Variants in AKAP6 observed in about 807,000 individuals in gnomAD.
AKAP6 encodes A-kinase anchor protein 6.
AKAP6 carries 58 observed loss-of-function variants against 188.5 expected under a neutral mutation model. That is an observed-to-expected ratio of 0.31 (90% CI 0.25 to 0.38). AKAP6 has a LOEUF of 0.38. AKAP6 is among the 10% of genes least tolerant of loss of function. The pLI is 1.00. For missense variants in AKAP6, 2,710 were observed against 2,740.0 expected, an observed-to-expected ratio of 0.99 and a Z score of 0.24; for synonymous variants, 989 against 998.6, an observed-to-expected ratio of 0.99 and a Z score of 0.18.
intron 6 of AKAP6, 33 bp downstream of exon 6, chr14:32,599,539 G>A (rs778124006): frequency 5.2e-5 from 80 of 1,531,646 alleles, no homozygotes; most frequent in Admixed American, 6.8e-5. Flanking sequence ...AAGTCTTTAC[G>A]TCTCCAGACT....
intron 11 of AKAP6, among the ~76,000 whole-genome samples, chr14:32,752,192 A>G (rs2032164823): frequency 6.6e-6 from 1 of 152,252 alleles, no homozygotes; most frequent in African/African-American, 2.4e-5. Context: ...GATGAGAAAC[A>G]CCATATGTGC....
chr14:32,500,969 A>G (rs1880581337), intron 2 of AKAP6, among the ~76,000 whole-genome samples: 1 of 152,144 alleles, frequency 6.6e-6, no homozygotes, highest in South Asian at 2.1e-4. Flanking sequence ...TCCCATTGCA[A>G]GTGCATTCTA....
At position 32,433,587 on chromosome 14, in the gene AKAP6, C is replaced by T. The variant is rs1416830133; in HGVS notation, c.94C>T (p.Pro32Ser). 6.2e-7 allele frequency: 1 copy of T among 1,614,116 alleles called. No homozygotes were observed. The highest frequency in any genetic ancestry group is 8.5e-7 in the Non-Finnish European group (1 of 1,180,016). ...TTCACCCATGGCCATCAACATGACA[C>T]CCACTGTGGAGCAGGGTGAGGGAGA... ...DASPMAINMT[P>S]TVEQGEGEEA... The change falls in exon 2 of 14, where the codon CCC (proline) becomes TCC (serine). Residue 32 changes from proline to serine, a missense_variant. Pro to Ser is a moderately conservative substitution (Grantham distance 74). Transcript: ENST00000280979.
chr14:32,639,985 T>C (rs540151138), intron 7 of AKAP6, among the ~76,000 whole-genome samples: 64 of 152,264 alleles, frequency 4.2e-4, no homozygotes, highest in Non-Finnish European at 7.5e-4. Flanking sequence ...GTAAACTCCA[T>C]TTTTGTTAAT....
chr14:32,631,235 G>A (rs910631907), intron 7 of AKAP6, among the ~76,000 whole-genome samples: 4 of 151,764 alleles, frequency 2.6e-5, no homozygotes, highest in Admixed American at 1.3e-4. Flanking sequence ...TTCTTTGAGC[G>A]CCCCGTATAT....
chr14:32,422,190 G>T lies in AKAP6; in HGVS notation c.-34-11270G>T, dbSNP rs571317887. Among the ~76,000 whole-genome samples, 22 of 152,126 alleles carry T rather than the reference G, an allele frequency of 1.4e-4. No homozygotes were observed. In the South Asian group the frequency reaches 4.2e-3, roughly 29 times the overall value. ...TATCTGGAGTTAGGCCAAGCTTGAG[G>T]TTAAGGGCACAGACCTCCAAGACTA... On this transcript the variant is annotated intron_variant, in intron 1 of 13. Transcript: ENST00000280979.
chr14:32,587,724 G>A (rs1885312902), intron 5 of AKAP6, among the ~76,000 whole-genome samples: 1 of 152,108 alleles, frequency 6.6e-6, no homozygotes, highest in Admixed American at 6.5e-5. Flanking sequence ...GTCTGTCCTA[G>A]TTTCCCCTAA....
At chr14:32,629,929 A>G (rs1417193653) in intron 7 of AKAP6, among the ~76,000 whole-genome samples, 1 of 152,094 alleles carries the variant, frequency 6.6e-6, no homozygotes, top group Non-Finnish European at 1.5e-5. Context: ...TTAAAAAAGA[A>G]TGATAATACT....
chr14:32,736,327 T>A (rs2031421757), intron 11 of AKAP6, among the ~76,000 whole-genome samples: 1 of 151,974 alleles, frequency 6.6e-6, no homozygotes, highest in Admixed American at 6.6e-5. Flanking sequence ...TATGAAAGAG[T>A]CAACTATTTA....
rs1349905150 is a variant in AKAP6, at chr14:32,823,840, G to A, written c.6027G>A (p.Pro2009=). 1.7e-5 allele frequency: 28 copies of A among 1,613,376 alleles called. No homozygotes were observed. Among genetic ancestry groups the A allele is most frequent in the African/African-American group, 2.7e-5 (2 of 74,854 alleles). Residue 2009 remains proline (P), a synonymous_variant, in exon 13 of 14, where the codon CCG becomes CCA. Transcript: ENST00000280979. The stretch of plus-strand genomic sequence containing the variant: ...CACTGAAATCATCTGATGATGCACC[G>A]AGTATGGCTGGAAAATCTGCTGGTT... ...SDALKSSDDA[P]SMAGKSAGCC...
intron 1 of AKAP6, among the ~76,000 whole-genome samples, chr14:32,423,919 C>A (rs1889942646): frequency 6.6e-6 from 1 of 152,102 alleles, no homozygotes; most frequent in East Asian, 1.9e-4. Context: ...ATGGAGAATT[C>A]TTTTTATATT....
chr14:32,675,584 T>C (rs1209971598), intron 7 of AKAP6, among the ~76,000 whole-genome samples: 1 of 152,214 alleles, frequency 6.6e-6, no homozygotes, highest in East Asian at 1.9e-4. Flanking sequence ...CATTCAACCT[T>C]AGTAGGAGGA....
At chr14:32,757,080 G>A (rs2032363820) in intron 11 of AKAP6, among the ~76,000 whole-genome samples, 1 of 152,134 alleles carries the variant, frequency 6.6e-6, no homozygotes, top group Non-Finnish European at 1.5e-5. Context: ...TGCCTCAAAT[G>A]GTGGGTGTCT....
intron 9 of AKAP6, among the ~76,000 whole-genome samples, chr14:32,715,209 C>CT (rs2139765930): frequency 6.6e-6 from 1 of 152,140 alleles, no homozygotes; most frequent in South Asian, 2.1e-4. Context: ...CCTGAATTCT[C>CT]TTATTTTATC....
At chr14:32,813,003 T>C (rs1037316117) in intron 12 of AKAP6, among the ~76,000 whole-genome samples, 2 of 152,158 alleles carry the variant, frequency 1.3e-5, no homozygotes, top group Admixed American at 6.5e-5. Flanking sequence ...ACAGTGTCTA[T>C]CTGGAGTTAG....
chr14:32,813,305 AGCATC>A (rs1334606718), intron 12 of AKAP6, among the ~76,000 whole-genome samples: 1 of 151,860 alleles, frequency 6.6e-6, no homozygotes, highest in Non-Finnish European at 1.5e-5. Flanking sequence ...TTACCCACCT[AGCATC>A]TCCAGGTGTT....
chr14:32,650,116 ATAACTTG>A (rs1888146232), intron 7 of AKAP6, among the ~76,000 whole-genome samples: 1 of 152,196 alleles, frequency 6.6e-6, no homozygotes, highest in African/African-American at 2.4e-5. Flanking sequence ...GATAAAAAAG[ATAACTTG>A]TTTTGGGTTC....
chr14:32,735,602 T>TG (rs2031376446), intron 10 of AKAP6, 56 bp from the exon 11 acceptor site: 6 of 1,321,610 alleles, frequency 4.5e-6, no homozygotes, highest in Non-Finnish European at 6.2e-6. Context: ...TTGTTGTTCG[T>TG]GGGGTTTTTT....
intron 8 of AKAP6, among the ~76,000 whole-genome samples, chr14:32,689,413 A>G (rs1456560438): frequency 6.6e-6 from 1 of 152,102 alleles, no homozygotes; most frequent in Non-Finnish European, 1.5e-5. Flanking sequence ...TGTAGGCTTG[A>G]TTTTATTTTT....
Sources: allele counts gnomAD v4.1 joint callset (sites outside exome capture counted in the v4.1 genomes callset), GRCh38; gene constraint gnomAD v4.1.1; transcripts MANE v1.5; gene names NCBI Gene and HGNC (gene_info 2026-07-23, HGNC 2026-07-21).